Variants in TNRC6B observed in about 807,000 individuals in gnomAD.
TNRC6B encodes trinucleotide repeat-containing gene 6B protein.
In TNRC6B, 52 loss-of-function variants were observed where a neutral mutation model predicts 203.6. The ratio of observed to expected loss-of-function variants is 0.26; its 90% confidence interval spans 0.20 to 0.32. TNRC6B has a LOEUF of 0.32. Among genes scored for constraint, TNRC6B ranks in the 10% least tolerant of loss-of-function variants. The probability of loss-of-function intolerance (pLI) is 1.00; values close to 1 mark genes in which losing one functional copy is unlikely to be tolerated. For synonymous variants in TNRC6B, 838 were observed against 845.7 expected (o/e 0.99, Z 0.16); for missense variants, 1,923 against 2,286.2 (o/e 0.84, Z 3.24).
At chr22:40,301,540 G>A (rs1175162584) in intron 15 of TNRC6B, 1 of 571,172 alleles carries the variant, frequency 1.8e-6, no homozygotes, top group Non-Finnish European at 3.0e-6. Context: ...AAATAGCAGA[G>A]CCAGGCCTCT....
intron 1 of TNRC6B, among the ~76,000 whole-genome samples, chr22:40,235,389 G>C (rs887190385): frequency 1.3e-5 from 2 of 152,058 alleles, no homozygotes; most frequent in Non-Finnish European, 2.9e-5. Context: ...TTCTTTTCCT[G>C]CACATTCAGG....
At chr22:40,273,733 C>T (rs563940927) in intron 7 of TNRC6B, 133 bp downstream of exon 7, 27 of 989,572 alleles carry the variant, frequency 2.7e-5, no homozygotes, top group Middle Eastern at 3.4e-4. Flanking sequence ...GGGACAGTCA[C>T]GACTCGCTGA....
chr22:40,301,394 G>T, intron 15 of TNRC6B, 61 bp downstream of exon 15: 1 of 1,529,796 alleles, frequency 6.5e-7, no homozygotes, highest in South Asian at 1.2e-5. Context: ...CCTGTGGTAG[G>T]GGTTGCACCT....
chr22:40,154,896 C>CAT (rs1335390600), intron 3 of TNRC6B, among the ~76,000 whole-genome samples: 16 of 29,902 alleles, frequency 5.4e-4, no homozygotes, highest in African/African-American at 2.0e-3. Flanking sequence ...TATATATATA[C>CAT]ATATATATAT....
intron 3 of TNRC6B, among the ~76,000 whole-genome samples, chr22:40,126,016 G>A (rs560542237): frequency 6.6e-6 from 1 of 152,242 alleles, no homozygotes; most frequent in South Asian, 2.1e-4. Flanking sequence ...TTTCTTTTCA[G>A]TATACTTTTT....
At position 40,266,176 on chromosome 22, in the gene TNRC6B, G is replaced by A; in HGVS notation, c.1946G>A (p.Gly649Glu). 6.2e-7 allele frequency: 1 copy of A among 1,613,716 alleles called. No individual in the cohort carries two copies. Among genetic ancestry groups the A allele is most frequent in the Non-Finnish European group, 8.5e-7 (1 of 1,179,742 alleles). ...AGGCCTGAGGGGAAATCTGACAAAG[G>A]AACTGAGGGGTGGGAGAGCGCTGCC... ...VPRPEGKSDK[G>E]TEGWESAATQ... Residue 649 changes from glycine to glutamate, a missense_variant, in exon 5 of 23, where the codon GGA becomes GAA. Transcript: ENST00000454349.
chr22:40,067,566 G>A (rs894250984), intron 1 of TNRC6B, among the ~76,000 whole-genome samples: 1 of 152,148 alleles, frequency 6.6e-6, no homozygotes, highest in Admixed American at 6.5e-5. Flanking sequence ...CAAGTTGAGA[G>A]GCTTAAGAAC....
chr22:40,087,696 G>A (rs2068112253), intron 1 of TNRC6B, among the ~76,000 whole-genome samples: 1 of 152,148 alleles, frequency 6.6e-6, no homozygotes, highest in African/African-American at 2.4e-5. Flanking sequence ...GAGCCTTCAA[G>A]CAAAGGGGCT....
At chr22:40,196,010 C>A (rs1397964562) in intron 1 of TNRC6B, among the ~76,000 whole-genome samples, 1 of 151,936 alleles carries the variant, frequency 6.6e-6, no homozygotes, top group Non-Finnish European at 1.5e-5. Flanking sequence ...ATCTCCTGAC[C>A]TCGTGATCCG....
At chr22:40,068,081 C>CTT (rs1326993913) in intron 1 of TNRC6B, among the ~76,000 whole-genome samples, 2 of 152,106 alleles carry the variant, frequency 1.3e-5, no homozygotes, top group Admixed American at 1.3e-4. Context: ...TTTCCATAGT[C>CTT]TTTGTTTTCC....
At chr22:40,243,191 A>G (rs181817002) in intron 1 of TNRC6B, among the ~76,000 whole-genome samples, 2 of 152,208 alleles carry the variant, frequency 1.3e-5, no homozygotes, top group South Asian at 2.1e-4. Flanking sequence ...AAGCTCCCCA[A>G]ATGGTGCTAA....
intron 1 of TNRC6B, among the ~76,000 whole-genome samples, chr22:40,208,111 C>CAAAAAA (rs905832467): frequency 1.1e-4 from 8 of 74,954 alleles, no homozygotes; most frequent in Middle Eastern, 9.1e-3. Flanking sequence ...GACTCCATCT[C>CAAAAAA]AAAAAAAAAA....
At chr22:40,232,315 G>C (rs1160042755) in intron 1 of TNRC6B, among the ~76,000 whole-genome samples, 1 of 152,188 alleles carries the variant, frequency 6.6e-6, no homozygotes, top group Non-Finnish European at 1.5e-5. Flanking sequence ...ATGTTTAAGG[G>C]ATAATGATCC....
At chr22:40,313,740 C>T (rs1028154642) in intron 19 of TNRC6B, among the ~76,000 whole-genome samples, 2 of 152,228 alleles carry the variant, frequency 1.3e-5, no homozygotes, top group Admixed American at 6.5e-5. Flanking sequence ...TCTTGTTCTC[C>T]TTCCCACCTC....
chr22:40,222,038 G>A (rs1415095840), intron 1 of TNRC6B, among the ~76,000 whole-genome samples: 2 of 152,172 alleles, frequency 1.3e-5, no homozygotes, highest in Admixed American at 6.5e-5. Context: ...TTTAAGCCCC[G>A]GGAAAAGTGG....
chr22:40,082,282 A>G (rs770097208), intron 1 of TNRC6B, among the ~76,000 whole-genome samples: 3 of 152,246 alleles, frequency 2.0e-5, no homozygotes, highest in Admixed American at 6.5e-5. Flanking sequence ...TTATAGATAC[A>G]ATGGTCAGGA....
In TNRC6B at chr22:40,325,242, T is replaced by A. The variant is rs1231827959; in HGVS notation, c.*2001T>A. On this transcript the variant is annotated 3_prime_UTR_variant, in exon 23 of 23. Transcript: ENST00000454349. ...TTTCTTTAGCGTCTTCAGTGAAGGA[T>A]ACAATACAACAATGCCTAATGTATT... The A allele has an allele frequency of 6.5e-6, 1 of 152,692 alleles. No individual in the cohort carries two copies. Among genetic ancestry groups the A allele is most frequent in the Admixed American group, 6.5e-5 (1 of 15,280 alleles). The allele number at this position is 152,692 out of a possible 1,614,324, so 9.5% of individuals were successfully genotyped here. A position where few individuals can be genotyped will look rare whatever the true frequency, so the allele number is the denominator to read the frequency against.
intron 1 of TNRC6B, among the ~76,000 whole-genome samples, chr22:40,067,721 G>A (rs1267311932): frequency 1.3e-5 from 2 of 152,086 alleles, no homozygotes; most frequent in Non-Finnish European, 2.9e-5. Flanking sequence ...ATCCCATCCT[G>A]GAAGAGACAG....
In TNRC6B at chr22:40,308,540, C is replaced by G. The variant is rs769519751; in HGVS notation, c.4149C>G (p.Gly1383=). The change falls in exon 16 of 23, where the codon GGC becomes GGG. Residue 1383 remains glycine, a synonymous_variant. Coordinates refer to ENST00000454349, the MANE Select transcript of TNRC6B (RefSeq NM_001162501.2). ...TCAGCTCTGGCGGCATGGACTATGG[C>G]ATGGTTGGTGGGAAGGAGGCTGGAA... The part of the protein sequence containing the change: ...SGFSSGGMDY[G]MVGGKEAGTE... 8.1e-6 allele frequency: 13 copies of G among 1,613,906 alleles called. No homozygotes were observed. The highest frequency in any genetic ancestry group is 1.1e-5 in the Non-Finnish European group (13 of 1,179,876).
Sources: allele counts gnomAD v4.1 joint callset (sites outside exome capture counted in the v4.1 genomes callset), GRCh38; gene constraint gnomAD v4.1.1; transcripts MANE v1.5; gene names NCBI Gene and HGNC (gene_info 2026-07-23, HGNC 2026-07-21).